Variants in EMSY observed in about 807,000 individuals in gnomAD.
The protein encoded by EMSY is EMSY transcriptional repressor, BRCA2 interacting.
Under a neutral mutation model 134.6 loss-of-function variants are expected in EMSY, and 26 were observed. The observed-to-expected ratio is 0.19, with a 90% CI of 0.14 to 0.27. EMSY has a LOEUF of 0.27. EMSY is among the 10% of genes least tolerant of loss of function. The pLI, the probability that EMSY is intolerant of heterozygous loss-of-function variation, is 1.00. For synonymous variants in EMSY, 579 were observed against 577.8 expected, an observed-to-expected ratio of 1.00 and a Z score of -0.03; for missense variants, 1,305 against 1,611.4, an observed-to-expected ratio of 0.81 and a Z score of 3.26.
chr11:76,515,075 T>TG (rs899573485), intron 10 of EMSY, among the ~76,000 whole-genome samples: 6 of 151,320 alleles, frequency 4.0e-5, no homozygotes, highest in Non-Finnish European at 2.9e-5. Flanking sequence ...TTTGTGGGTT[T>TG]TTTTTTTTTT....
In EMSY at chr11:76,536,099, T is replaced by C. The variant is rs769414162; in HGVS notation, c.2359+40T>C. On this transcript the variant is annotated intron_variant, in intron 15 of 20. Transcript: ENST00000334736. ...GCTCAATTGAATGAAGCATGTTTTC[T>C]CTAGAGACGGGTTGTGCTAAAATAC... The C allele has an allele frequency of 2.2e-6, 3 of 1,362,862 alleles. No homozygotes were observed. In the Admixed American group the frequency reaches 7.4e-5, roughly 34 times the overall value. 84.4% of individuals were successfully genotyped at this position (1,362,862 alleles called of 1,614,324 possible).
intron 8 of EMSY, among the ~76,000 whole-genome samples, chr11:76,493,240 C>T (rs979209564): frequency 2.6e-5 from 4 of 152,194 alleles, no homozygotes; most frequent in Non-Finnish European, 4.4e-5. Flanking sequence ...CCGCCTGAAC[C>T]GCCCCCACCC....
At chr11:76,476,092 A>G (rs566427919) in intron 8 of EMSY, among the ~76,000 whole-genome samples, 1 of 152,198 alleles carries the variant, frequency 6.6e-6, no homozygotes, top group Non-Finnish European at 1.5e-5. Flanking sequence ...TCATCTGTGT[A>G]TTGTAGTTTA....
exon 4 of EMSY, chr11:76,453,353 A>G: frequency 6.2e-7 from 1 of 1,613,164 alleles, no homozygotes; most frequent in Non-Finnish European, 8.5e-7. Flanking sequence ...TTCGGAGAGC[A>G]GTAAACGATG....
chr11:76,506,363 G>A (rs1223007514), intron 9 of EMSY, among the ~76,000 whole-genome samples: 1 of 152,084 alleles, frequency 6.6e-6, no homozygotes, highest in East Asian at 1.9e-4. Flanking sequence ...GGAAAATCTG[G>A]AAGCATTAAA....
intron 8 of EMSY, among the ~76,000 whole-genome samples, chr11:76,482,714 A>G (rs1565302088): frequency 6.6e-6 from 1 of 152,182 alleles, no homozygotes; most frequent in South Asian, 2.1e-4. Context: ...AAAGGATGAA[A>G]AGGAATGAAC....
intron 9 of EMSY, among the ~76,000 whole-genome samples, chr11:76,509,913 A>G (rs1950214238): frequency 6.6e-6 from 1 of 152,228 alleles, no homozygotes; most frequent in African/African-American, 2.4e-5. Context: ...TAAAATATAG[A>G]CCAGGTGCAG....
intron 20 of EMSY, among the ~76,000 whole-genome samples, chr11:76,548,472 GT>G (rs1951730942): frequency 6.6e-6 from 1 of 152,136 alleles, no homozygotes; most frequent in Non-Finnish European, 1.5e-5. Context: ...TAAACAAGAT[GT>G]ATCTTCTATT....
At chr11:76,461,334 G>A (rs899670869) in intron 6 of EMSY, among the ~76,000 whole-genome samples, 9 of 152,030 alleles carry the variant, frequency 5.9e-5, no homozygotes, top group African/African-American at 1.4e-4. Context: ...GGTCTTTGTC[G>A]GCCCTGTTTA....
chr11:76,472,240 C>T (rs1038702591), intron 7 of EMSY, among the ~76,000 whole-genome samples: 7 of 152,156 alleles, frequency 4.6e-5, no homozygotes, highest in South Asian at 2.1e-4. Context: ...TATTTATAAA[C>T]GAATGAATGT....
intron 4 of EMSY, among the ~76,000 whole-genome samples, chr11:76,455,961 T>A (rs542974102): frequency 6.6e-6 from 1 of 152,156 alleles, no homozygotes; most frequent in Non-Finnish European, 1.5e-5. Context: ...TGTGTGAGGA[T>A]GAGGATTTCT....
chr11:76,455,947 T>G (rs986864676), intron 4 of EMSY, among the ~76,000 whole-genome samples: 1 of 152,124 alleles, frequency 6.6e-6, no homozygotes, highest in Non-Finnish European at 1.5e-5. Context: ...ACTGGGTCAG[T>G]TTCTGTGTGA....
intron 20 of EMSY, chr11:76,547,126 G>T (rs1293925162): frequency 8.9e-6 from 4 of 448,988 alleles, no homozygotes; most frequent in Non-Finnish European, 1.8e-5. Context: ...CTTGACATTT[G>T]TCATTCTTTG....
chr11:76,487,341 T>C (rs1949229273), intron 8 of EMSY, among the ~76,000 whole-genome samples: 1 of 152,180 alleles, frequency 6.6e-6, no homozygotes, highest in South Asian at 2.1e-4. Context: ...CAGGATACAG[T>C]AGCCTTTTAA....
At chr11:76,475,653 G>A (rs1431484526) in intron 8 of EMSY, among the ~76,000 whole-genome samples, 2 of 152,200 alleles carry the variant, frequency 1.3e-5, no homozygotes, top group African/African-American at 2.4e-5. Flanking sequence ...ATTTAATTTA[G>A]ATGTTATTAG....
Position 76,513,552 on chromosome 11 carries a change from A to G in EMSY, c.1513+17A>G, listed in dbSNP as rs780817429. The G allele has an allele frequency of 6.2e-7, 1 of 1,611,324 alleles. No homozygotes were observed. The highest frequency in any genetic ancestry group is 8.5e-7 in the Non-Finnish European group (1 of 1,178,330). On this transcript the variant is annotated intron_variant, in intron 10 of 20. Transcript: ENST00000334736. ...CTCCTACTGGTAAGTTCTCTTGAGC[A>G]TCAGTTCATTTATTCATCATACATT...
exon 4 of EMSY, chr11:76,453,341 A>G: frequency 9.9e-6 from 16 of 1,613,062 alleles, no homozygotes; most frequent in Non-Finnish European, 1.4e-5. Context: ...ACCGTGCTGA[A>G]GTTCGGAGAG....
chr11:76,527,091 A>G (rs1358092456), intron 13 of EMSY, among the ~76,000 whole-genome samples: 12 of 152,086 alleles, frequency 7.9e-5, no homozygotes, highest in Non-Finnish European at 1.8e-4. Flanking sequence ...CCAATAGAAG[A>G]TAAGGGAACT....
intron 2 of EMSY, among the ~76,000 whole-genome samples, chr11:76,448,748 AC>A (rs1028580744): frequency 2.6e-5 from 4 of 152,140 alleles, no homozygotes; most frequent in African/African-American, 9.6e-5. Flanking sequence ...TAACAATGAA[AC>A]CTTTGAATTG....
Sources: gnomAD v4.1 joint callset for allele counts (sites outside exome capture counted in the v4.1 genomes callset) on GRCh38, gnomAD v4.1.1 for gene constraint, MANE v1.5 for transcripts, NCBI Gene and HGNC (gene_info 2026-07-23, HGNC 2026-07-21) for gene names.